MBTD1: variants seen among roughly 807,000 people sequenced by gnomAD.
MBTD1 encodes the protein MBT domain-containing protein 1.
A neutral mutation model predicts 87.8 loss-of-function variants in MBTD1; 24 were observed. The ratio of observed to expected loss-of-function variants is 0.27; its 90% CI spans 0.20 to 0.38. The LOEUF is 0.38. MBTD1 is among the 10% of genes least tolerant of loss of function. The pLI is 1.00. For synonymous variants in MBTD1, 237 were observed against 248.6 expected, an observed-to-expected ratio of 0.95 and a Z score of 0.44; for missense variants, 436 against 760.2, an observed-to-expected ratio of 0.57 and a Z score of 5.02.
chr17:51,229,910 G>A (rs995029936), intron 2 of MBTD1, among the ~76,000 whole-genome samples: 1 of 151,826 alleles, frequency 6.6e-6, no homozygotes, highest in African/African-American at 2.4e-5. Context: ...TCCCCGTCTC[G>A]GCCTCCCAAA....
intron 2 of MBTD1, among the ~76,000 whole-genome samples, chr17:51,242,293 C>A (rs768573234): frequency 6.6e-6 from 1 of 152,174 alleles, no homozygotes; most frequent in Non-Finnish European, 1.5e-5. Context: ...GCCATCCCCA[C>A]AGGGTTTTTT....
At chr17:51,184,484 C>T (rs1407789196) in intron 16 of MBTD1, 2 of 152,208 alleles carry the variant, frequency 1.3e-5, no homozygotes, top group African/African-American at 4.8e-5. Context: ...GTAGTCCCTA[C>T]TTAGTTTCAT....
At chr17:51,218,287 G>A (rs1226830563) in intron 5 of MBTD1, among the ~76,000 whole-genome samples, 2 of 151,966 alleles carry the variant, frequency 1.3e-5, no homozygotes, top group Non-Finnish European at 2.9e-5. Context: ...CCAGCACTTT[G>A]GGAGGCTGAG....
In MBTD1 at chr17:51,218,805, GCT is replaced by G. The variant is rs2052725512; in HGVS notation, c.403+123_403+124del. On this transcript the variant is annotated intron_variant, in intron 5 of 16. Coordinates refer to ENST00000586178, the MANE Select transcript of MBTD1 (RefSeq NM_017643.3). The stretch of plus-strand genomic sequence containing the variant: ...CAAAACAACTATTAGGAAGCTTAGA[GCT>G]GTAATGTGCTGACAGGACATAGAAA... 9.6e-6 allele frequency: 6 copies of G among 625,148 alleles called. No individual in the cohort carries two copies. In the Admixed American group the frequency reaches 1.3e-4, roughly 14 times the overall value. 38.7% of individuals were successfully genotyped at this position (625,148 alleles called of 1,614,324 possible). A position where few individuals can be genotyped will look rare whatever the true frequency, so the allele number is the denominator to read the frequency against.
At position 51,179,490 on chromosome 17, in the gene MBTD1, A is replaced by ATATATATATATATTTATATT. The variant is rs1568135577; in HGVS notation, c.*1085_*1086insAATATAAATATATATATATA. The stretch of plus-strand genomic sequence containing the variant: ...AATACAATTAAAGACAATTTTATAT[A>ATATATATATATATTTATATT]TATATATATATATATATATATATAT... On this transcript the variant is annotated 3_prime_UTR_variant, in exon 17 of 17. Transcript: ENST00000586178. 6 of 23,534 alleles carry ATATATATATATATTTATATT rather than the reference A, an allele frequency of 2.5e-4. No individual in the cohort carries two copies. Among genetic ancestry groups the ATATATATATATATTTATATT allele is most frequent in the Admixed American group, 4.9e-4 (1 of 2,052 alleles). 1.5% of individuals were successfully genotyped at this position (23,534 alleles called of 1,614,324 possible). A position where few individuals can be genotyped will look rare whatever the true frequency, so the allele number is the denominator to read the frequency against.
intron 2 of MBTD1, among the ~76,000 whole-genome samples, chr17:51,247,778 T>C (rs945103779): frequency 2.6e-5 from 4 of 152,204 alleles, no homozygotes; most frequent in Non-Finnish European, 5.9e-5. Flanking sequence ...ACAAAAATAA[T>C]TAGCTTTCCA....
At chr17:51,199,598 C>A (rs777392355) in intron 12 of MBTD1, among the ~76,000 whole-genome samples, 2 of 151,210 alleles carry the variant, frequency 1.3e-5, no homozygotes, top group Non-Finnish European at 2.9e-5. Context: ...CCCGCCACCA[C>A]GCCTGGCTAA....
chr17:51,200,129 A>G (rs1237622364), intron 12 of MBTD1, among the ~76,000 whole-genome samples: 1 of 152,004 alleles, frequency 6.6e-6, no homozygotes, highest in Non-Finnish European at 1.5e-5. Context: ...CTGGGCCATC[A>G]TAATTGTTTT....
intron 3 of MBTD1, among the ~76,000 whole-genome samples, chr17:51,224,309 G>T (rs1370580038): frequency 1.3e-5 from 2 of 152,304 alleles, no homozygotes; most frequent in East Asian, 3.9e-4. Flanking sequence ...TGGCTCCTTG[G>T]TATGCCTTAG....
At chr17:51,246,423 G>C (rs576928653) in intron 2 of MBTD1, among the ~76,000 whole-genome samples, 1 of 152,226 alleles carries the variant, frequency 6.6e-6, no homozygotes, top group South Asian at 2.1e-4. Context: ...TTGGATTAGG[G>C]ATGCTCAATC....
intron 6 of MBTD1, among the ~76,000 whole-genome samples, chr17:51,213,834 C>T (rs977839859): frequency 2.6e-5 from 4 of 151,896 alleles, no homozygotes; most frequent in South Asian, 2.1e-4. Flanking sequence ...GAACAATCAA[C>T]GCAGTTTCCT....
chr17:51,254,051 C>G (rs2054942242), intron 2 of MBTD1, among the ~76,000 whole-genome samples: 1 of 152,158 alleles, frequency 6.6e-6, no homozygotes, highest in Non-Finnish European at 1.5e-5. Context: ...TATCCAAACC[C>G]ACTGGGAGCA....
chr17:51,231,843 C>T (rs897160334), intron 2 of MBTD1, among the ~76,000 whole-genome samples: 3 of 151,578 alleles, frequency 2.0e-5, no homozygotes, highest in African/African-American at 7.3e-5. Flanking sequence ...CTTGCAAACA[C>T]TACAGTGACT....
intron 16 of MBTD1, chr17:51,184,502 A>T (rs2144988576): frequency 6.6e-6 from 1 of 152,368 alleles, no homozygotes; most frequent in African/African-American, 2.4e-5. Flanking sequence ...CATCAGAGAA[A>T]AATCACACCA....
chr17:51,220,316 T>G lies in MBTD1; in HGVS notation c.288+14A>C. The G allele has an allele frequency of 1.3e-6, 2 of 1,540,748 alleles. No homozygotes were observed. Among genetic ancestry groups the G allele is most frequent in the South Asian group, 1.2e-5 (1 of 83,186 alleles). On this transcript the variant is annotated intron_variant, in intron 4 of 16. Coordinates refer to ENST00000586178, the MANE Select transcript of MBTD1 (RefSeq NM_017643.3). ...AAATAATGGATATAAGTAAGAAAGT[T>G]TCTGTACCGTTACCTGAAGTCTGGC...
intron 2 of MBTD1, among the ~76,000 whole-genome samples, chr17:51,225,450 C>CA (rs1210062508): frequency 6.6e-6 from 1 of 151,850 alleles, no homozygotes; most frequent in Non-Finnish European, 1.5e-5. Context: ...CTCCCGCACT[C>CA]AGATGATCCT....
chr17:51,242,512 A>G (rs549076254), intron 2 of MBTD1, among the ~76,000 whole-genome samples: 1 of 152,288 alleles, frequency 6.6e-6, no homozygotes, highest in East Asian at 1.9e-4. Flanking sequence ...AGTTCCTTGG[A>G]TTATTTATTT....
intron 6 of MBTD1, among the ~76,000 whole-genome samples, chr17:51,214,019 G>A (rs1051515016): frequency 3.3e-5 from 5 of 151,886 alleles, no homozygotes; most frequent in Admixed American, 3.3e-4. Flanking sequence ...ATAATACACA[G>A]ATTTTTTAGT....
chr17:51,220,563 T>C (rs1235802857), intron 3 of MBTD1, 100 bp from the exon 4 acceptor site: 1 of 1,182,988 alleles, frequency 8.5e-7, no homozygotes, highest in Non-Finnish European at 1.2e-6. Context: ...AAAGTTTTAA[T>C]TAAAAAATTT....
Sources: allele counts gnomAD v4.1 joint callset (sites outside exome capture counted in the v4.1 genomes callset), GRCh38; gene constraint gnomAD v4.1.1; transcripts MANE v1.5; gene names NCBI Gene and HGNC (gene_info 2026-07-23, HGNC 2026-07-21).